CSMD3: variants seen among roughly 807,000 people sequenced by gnomAD.
CSMD3 encodes CUB and Sushi multiple domains 3.
CSMD3 carries 177 observed loss-of-function variants against 435.2 expected under a neutral mutation model. That is an observed-to-expected ratio of 0.41 (90% CI 0.36 to 0.46). CSMD3 has a LOEUF of 0.46. CSMD3 is among the 20% of genes least tolerant of loss of function. The pLI, the probability that CSMD3 is intolerant of heterozygous loss-of-function variation, is 0.34. For synonymous variants in CSMD3, 1,656 were observed against 1,520.5 expected (o/e 1.09, Z -2.07); for missense variants, 4,265 against 4,504.6 (o/e 0.95, Z 1.52).
chr8:112,832,467 G>A (rs1321410322), intron 11 of CSMD3, among the ~76,000 whole-genome samples: 1 of 152,116 alleles, frequency 6.6e-6, no homozygotes, highest in Non-Finnish European at 1.5e-5. Flanking sequence ...TTAAAAGAAG[G>A]TCCAGAAATG....
chr8:112,399,965 C>T (rs538155981), intron 35 of CSMD3, among the ~76,000 whole-genome samples: 1 of 152,244 alleles, frequency 6.6e-6, no homozygotes, highest in Non-Finnish European at 1.5e-5. Context: ...AGTTCTTTCA[C>T]AACAATGTAG....
intron 19 of CSMD3, among the ~76,000 whole-genome samples, chr8:112,646,244 C>T (rs1241721765): frequency 6.6e-6 from 1 of 152,068 alleles, no homozygotes; most frequent in East Asian, 1.9e-4. Context: ...TCACTGAACA[C>T]AAGCATGAAA....
intron 2 of CSMD3, 147 bp downstream of exon 2, chr8:113,314,424 G>T (rs953738834): frequency 7.8e-6 from 5 of 643,478 alleles, no homozygotes; most frequent in Non-Finnish European, 1.1e-5. Flanking sequence ...TTGTTCATGG[G>T]ATGATATATT....
At chr8:112,418,955 A>G (rs544636411) in intron 32 of CSMD3, among the ~76,000 whole-genome samples, 2 of 152,244 alleles carry the variant, frequency 1.3e-5, no homozygotes, top group South Asian at 4.1e-4. Context: ...AAACATAAAT[A>G]AATTTTGTGT....
At chr8:113,382,647 T>C (rs1459746590) in intron 1 of CSMD3, among the ~76,000 whole-genome samples, 1 of 152,166 alleles carries the variant, frequency 6.6e-6, no homozygotes, top group African/African-American at 2.4e-5. Context: ...TTTGTGATTC[T>C]ATTAAGCATA....
chr8:113,032,204 C>G (rs2087140579), intron 5 of CSMD3, among the ~76,000 whole-genome samples: 1 of 151,556 alleles, frequency 6.6e-6, no homozygotes, highest in Non-Finnish European at 1.5e-5. Flanking sequence ...GAGGAAGCGA[C>G]TTTGGAAGTG....
chr8:112,370,482 T>G (rs933535533), intron 38 of CSMD3, among the ~76,000 whole-genome samples: 8 of 152,224 alleles, frequency 5.3e-5, no homozygotes, highest in Non-Finnish European at 1.2e-4. Flanking sequence ...CAATGGCTTA[T>G]AAGCCCCACT....
chr8:112,899,689 AC>A (rs2082055845), intron 10 of CSMD3, among the ~76,000 whole-genome samples: 1 of 142,144 alleles, frequency 7.0e-6, no homozygotes, highest in African/African-American at 2.6e-5. Flanking sequence ...ACACACACAC[AC>A]ACGTATATAG....
chr8:112,758,330 T>A (rs2077752872), intron 13 of CSMD3, among the ~76,000 whole-genome samples: 1 of 146,442 alleles, frequency 6.8e-6, no homozygotes. Context: ...CCAGCCTGGG[T>A]GACAAAGCGA....
intron 64 of CSMD3, 49 bp downstream of exon 64, chr8:112,246,971 A>G: frequency 7.8e-7 from 1 of 1,286,940 alleles, no homozygotes; most frequent in East Asian, 2.3e-5. Context: ...GAAAAAATGC[A>G]TATAAATTCT....
chr8:113,348,090 G>A (rs540194293), intron 1 of CSMD3, among the ~76,000 whole-genome samples: 151 of 152,236 alleles, frequency 9.9e-4, no homozygotes, highest in Non-Finnish European at 1.6e-3. Context: ...CAGAAAATAA[G>A]AAAAGAAGAT....
At chr8:112,226,815 A>G (rs1207093290) in intron 70 of CSMD3, among the ~76,000 whole-genome samples, 1 of 152,196 alleles carries the variant, frequency 6.6e-6, no homozygotes, top group Non-Finnish European at 1.5e-5. Flanking sequence ...AACATCACCT[A>G]TAATTATGAA....
At chr8:112,644,018 A>G (rs1774965354) in intron 20 of CSMD3, among the ~76,000 whole-genome samples, 1 of 151,736 alleles carries the variant, frequency 6.6e-6, no homozygotes, top group South Asian at 2.1e-4. Context: ...TTTCTATATT[A>G]AAATCAATAA....
chr8:113,184,935 C>T (rs548349478), intron 3 of CSMD3, among the ~76,000 whole-genome samples: 1 of 152,024 alleles, frequency 6.6e-6, no homozygotes, highest in East Asian at 1.9e-4. Flanking sequence ...CTCCTTTTTT[C>T]CATCAATGTC....
chr8:112,469,660 C>T (rs1030935752), intron 32 of CSMD3, among the ~76,000 whole-genome samples: 4 of 152,124 alleles, frequency 2.6e-5, no homozygotes, highest in Admixed American at 6.6e-5. Flanking sequence ...GGGAATCTAA[C>T]GCCACAGCTT....
rs546514507 is a variant in CSMD3, at chr8:112,587,091, T to C, written c.3860A>G (p.His1287Arg). ...CTTAAGAACATCTCCTTGTGCTAAA[T>C]GAAATGTTCTGGCTGAAATATTGAT... The part of the protein sequence containing the change: ...KGINISARTF[H>R]LAQGDVLKIY... Residue 1287 changes from histidine to arginine, a missense_variant, in exon 23 of 71, where the codon CAT becomes CGT. By Grantham distance (29) the His-to-Arg change is conservative (BLOSUM62 0). This residue lies in a region of CSMD3 where 3,255 missense variants were observed against 3,380.2 expected (regional missense o/e 0.96). Coordinates refer to ENST00000297405, the MANE Select transcript of CSMD3 (RefSeq NM_198123.2). 5 of 1,610,646 alleles carry C rather than the reference T, an allele frequency of 3.1e-6. No homozygotes were observed. Among genetic ancestry groups the C allele is most frequent in the Non-Finnish European group, 4.2e-6 (5 of 1,177,682 alleles).
At chr8:112,316,497 C>T (rs1340932701) in intron 47 of CSMD3, among the ~76,000 whole-genome samples, 1 of 151,600 alleles carries the variant, frequency 6.6e-6, no homozygotes, top group African/African-American at 2.4e-5. Flanking sequence ...ATCCAATATA[C>T]TTTACTACAA....
chr8:112,237,134 T>A (rs1005266299), intron 67 of CSMD3, 56 bp downstream of exon 67: 2 of 1,550,692 alleles, frequency 1.3e-6, no homozygotes, highest in African/African-American at 2.7e-5. Context: ...AATGATGAAA[T>A]CATAATAGAA....
At chr8:112,658,328 A>G (rs1386495919) in intron 17 of CSMD3, among the ~76,000 whole-genome samples, 4 of 152,194 alleles carry the variant, frequency 2.6e-5, no homozygotes, top group African/African-American at 7.2e-5. Context: ...AATAAAACTC[A>G]TATGTGGTCA....
Sources: gnomAD v4.1 joint callset for allele counts (sites outside exome capture counted in the v4.1 genomes callset) on GRCh38, gnomAD v4.1.1 for gene constraint, gnomAD v4.1.1 regional missense constraint, MANE v1.5 for transcripts, NCBI Gene and HGNC (gene_info 2026-07-23, HGNC 2026-07-21) for gene names.